TRAF3IP1: variants seen among roughly 807,000 people sequenced by gnomAD.
TRAF3IP1 encodes TRAF3-interacting protein 1.
Under a neutral mutation model 89.9 loss-of-function variants are expected in TRAF3IP1, and 53 were observed. That is an observed-to-expected ratio of 0.59 (90% CI 0.47 to 0.74). TRAF3IP1 has a LOEUF of 0.74. Ranked by LOEUF, TRAF3IP1 falls within the 30% of genes least tolerant of loss-of-function variation. The pLI is 0.00. For missense variants in TRAF3IP1, 806 were observed against 866.1 expected (o/e 0.93, Z 0.87); for synonymous variants, 311 against 322.1 (o/e 0.97, Z 0.37).
At chr2:238,326,068 G>A in intron 3 of TRAF3IP1, 98 bp downstream of exon 3, 4 of 1,192,334 alleles carry the variant, frequency 3.4e-6, no homozygotes, top group Non-Finnish European at 4.7e-6. Flanking sequence ...TAGGGAAGGA[G>A]TTTCAGTGGT....
At position 238,351,834 on chromosome 2, in the gene TRAF3IP1, G is replaced by GGTGTGTGTGTGTGT. The variant is rs10527993; in HGVS notation, c.1452-973_1452-960dup. ...TGGCACTGAAGCAAGGGAGGATTTT[G>GGTGTGTGTGTGTGT]GTGTGTGTGTGTGTGTGTGTGTGTG... On this transcript the variant is annotated intron_variant, in intron 12 of 16. Coordinates refer to ENST00000373327, the MANE Select transcript of TRAF3IP1 (RefSeq NM_015650.4). This position sits in a 1 kb window ranked among gnomAD's most constrained non-coding sequence, Gnocchi z 5.2. Among the ~76,000 whole-genome samples, 122 of 140,958 alleles carry GGTGTGTGTGTGTGT rather than the reference G, an allele frequency of 8.7e-4. No homozygotes were observed. Among genetic ancestry groups the GGTGTGTGTGTGTGT allele is most frequent in the African/African-American group, 3.1e-3 (116 of 38,016 alleles). 92.5% of individuals were successfully genotyped at this position (140,958 alleles called of 152,430 possible).
Position 238,325,736 on chromosome 2 carries a change from G to A in TRAF3IP1, c.193-73G>A, listed in dbSNP as rs1559353219. On this transcript the variant is annotated intron_variant, in intron 2 of 16. Transcript: ENST00000373327. ...TGTAAACAGAAACTATCCTATGCCTGGTAAACATACAGAAGATAATGCACA... is the reference window on the plus strand; with the variant it reads ...TGTAAACAGAAACTATCCTATGCCTAGTAAACATACAGAAGATAATGCACA... 4 of 1,420,336 alleles carry A rather than the reference G, an allele frequency of 2.8e-6. No homozygotes were observed. The Admixed American group carries it at 8.0e-5, about 29-fold the overall frequency. 88.0% of individuals were successfully genotyped at this position (1,420,336 alleles called of 1,614,324 possible). A position where few individuals can be genotyped will look rare whatever the true frequency, so the allele number is the denominator to read the frequency against.
intron 15 of TRAF3IP1, among the ~76,000 whole-genome samples, chr2:238,377,683 T>G (rs1292476275): frequency 6.6e-6 from 1 of 152,214 alleles, no homozygotes; most frequent in Admixed American, 6.5e-5. Context: ...TGTATGATCC[T>G]TATTTTTTTT....
At chr2:238,368,098 CTAT>C (rs1438199507) in intron 15 of TRAF3IP1, among the ~76,000 whole-genome samples, 1 of 152,152 alleles carries the variant, frequency 6.6e-6, no homozygotes, top group Non-Finnish European at 1.5e-5. Context: ...TAGTTCCCAT[CTAT>C]TATTCCTTGC....
chr2:238,386,313 T>G (rs1453116989), intron 15 of TRAF3IP1, among the ~76,000 whole-genome samples: 1 of 152,110 alleles, frequency 6.6e-6, no homozygotes, highest in Non-Finnish European at 1.5e-5. Context: ...TCTTAAACAT[T>G]TTTTTATTTT....
intron 8 of TRAF3IP1, among the ~76,000 whole-genome samples, chr2:238,340,906 C>G (rs559050175): frequency 6.6e-6 from 1 of 152,056 alleles, no homozygotes; most frequent in African/African-American, 2.4e-5. Flanking sequence ...TGCTCAGGCT[C>G]GGGTACAGTG....
chr2:238,329,501 G>A (rs1187140696), intron 5 of TRAF3IP1, among the ~76,000 whole-genome samples, 159 bp downstream of exon 5: 1 of 152,168 alleles, frequency 6.6e-6, no homozygotes, highest in African/African-American at 2.4e-5. Flanking sequence ...AACCCAAAGA[G>A]ATACTTATTT....
chr2:238,363,691 G>A (rs1156539671), intron 15 of TRAF3IP1, among the ~76,000 whole-genome samples: 1 of 152,152 alleles, frequency 6.6e-6, no homozygotes, highest in Non-Finnish European at 1.5e-5. Flanking sequence ...GCCAGGTGCG[G>A]TGGCTCACAC....
chr2:238,382,096 A>G (rs1403341819), intron 15 of TRAF3IP1, among the ~76,000 whole-genome samples: 3 of 152,196 alleles, frequency 2.0e-5, no homozygotes, highest in Admixed American at 2.0e-4. Context: ...CCAGAATATG[A>G]AGGAGGAAAC....
chr2:238,364,644 A>G (rs776722337), intron 15 of TRAF3IP1, among the ~76,000 whole-genome samples: 1 of 151,980 alleles, frequency 6.6e-6, no homozygotes, highest in Non-Finnish European at 1.5e-5. Flanking sequence ...TTTTATATCT[A>G]ATTATTAATA....
rs1363798954 is a variant in TRAF3IP1 at position 238,345,826 on chromosome 2, G to C, written c.1261+1228G>C. Among the ~76,000 whole-genome samples the C allele has an allele frequency of 1.3e-5, 2 of 152,158 alleles. No individual in the cohort carries two copies. Among genetic ancestry groups the C allele is most frequent in the African/African-American group, 4.8e-5 (2 of 41,426 alleles). ...GGACTGGGTCACCTAGGACGAGATT[G>C]TGAGTGCAGGAGCTGGCAGAGCACT... is the stretch of plus-strand genomic sequence containing the variant. On this transcript the variant is annotated intron_variant, in intron 9 of 16. Coordinates refer to ENST00000373327, the MANE Select transcript of TRAF3IP1 (RefSeq NM_015650.4). This position sits in a 1 kb window ranked among gnomAD's most constrained non-coding sequence, Gnocchi z 4.7.
chr2:238,335,009 G>A (rs1468069929), intron 7 of TRAF3IP1, among the ~76,000 whole-genome samples: 2 of 152,214 alleles, frequency 1.3e-5, no homozygotes, highest in Non-Finnish European at 2.9e-5. Context: ...TGTTTTGGGC[G>A]TCTCTGACCT....
chr2:238,387,075 G>A (rs957151444), intron 15 of TRAF3IP1, among the ~76,000 whole-genome samples: 1 of 152,168 alleles, frequency 6.6e-6, no homozygotes, highest in South Asian at 2.1e-4. Flanking sequence ...CTACAGATGA[G>A]ACAGGCGTTA....
At chr2:238,386,192 A>T (rs1700759934) in intron 15 of TRAF3IP1, among the ~76,000 whole-genome samples, 1 of 152,190 alleles carries the variant, frequency 6.6e-6, no homozygotes, top group Admixed American at 6.5e-5. Flanking sequence ...TGACAGTGGT[A>T]GGTAAAGCCG....
chr2:238,346,817 A>G (rs1476591706), intron 9 of TRAF3IP1, among the ~76,000 whole-genome samples: 1 of 152,156 alleles, frequency 6.6e-6, no homozygotes, highest in East Asian at 1.9e-4. Context: ...AGAGTGTGAA[A>G]CAGAGATTTC....
Position 238,384,337 on chromosome 2 carries a change from G to GATGTATGTATGT in TRAF3IP1, c.1690-13087_1690-13076dup, listed in dbSNP as rs61001806. Among the ~76,000 whole-genome samples the GATGTATGTATGT allele has an allele frequency of 9.6e-3, 1,338 of 139,692 alleles. 16 individuals carry two copies. The highest frequency in any genetic ancestry group is 0.014 in the Non-Finnish European group (872 of 64,454). 91.6% of individuals were successfully genotyped at this position (139,692 alleles called of 152,430 possible). ...TTTCTAATCTGTCCAGAATCAACCT[G>GATGTATGTATGT]ATGTATGTATGTATGTATGTATGTA... On this transcript the variant is annotated intron_variant, in intron 15 of 16. Coordinates refer to ENST00000373327, the MANE Select transcript of TRAF3IP1 (RefSeq NM_015650.4).
At chr2:238,326,498 G>T (rs1401253396) in intron 3 of TRAF3IP1, among the ~76,000 whole-genome samples, 1 of 151,976 alleles carries the variant, frequency 6.6e-6, no homozygotes, top group African/African-American at 2.4e-5. Flanking sequence ...TCAGTTGTAC[G>T]GGGAGTAGAT....
In TRAF3IP1 at chr2:238,398,802, G is replaced by T; in HGVS notation, c.1959G>T (p.Leu653=). 2 of 1,612,952 alleles carry T rather than the reference G, an allele frequency of 1.2e-6. No homozygotes were observed. Among genetic ancestry groups the T allele is most frequent in the Non-Finnish European group, 1.7e-6 (2 of 1,179,618 alleles). ...CCTTAAAGGCTGAGCTCGCGGAGCT[G>T]GAGCAGCTGATCAAAGACCAGCAAG... ...VEPLKAELAE[L]EQLIKDQQDK... is the part of the protein sequence containing the mutation. Residue 653 remains leucine (L), a synonymous_variant, in exon 17 of 17, where the codon CTG becomes CTT. Coordinates refer to ENST00000373327, the MANE Select transcript of TRAF3IP1 (RefSeq NM_015650.4).
At chr2:238,396,069 T>C (rs373963348) in intron 15 of TRAF3IP1, among the ~76,000 whole-genome samples, 3 of 152,060 alleles carry the variant, frequency 2.0e-5, no homozygotes, top group Admixed American at 6.6e-5. Flanking sequence ...GCTATAAAGA[T>C]ACATGCACAC....
Sources: gnomAD v4.1 joint callset for allele counts (sites outside exome capture counted in the v4.1 genomes callset) on GRCh38, gnomAD v4.1.1 for gene constraint, Gnocchi (gnomAD v3.1) non-coding constraint, MANE v1.5 for transcripts, NCBI Gene and HGNC (gene_info 2026-07-23, HGNC 2026-07-21) for gene names.